Variants in SLC19A1 observed in about 807,000 individuals in gnomAD.
The protein encoded by SLC19A1 is reduced folate transporter.
SLC19A1 carries 37 observed loss-of-function variants against 35.3 expected under a neutral mutation model. The observed-to-expected ratio is 1.05, with a 90% CI of 0.81 to 1.38. SLC19A1 has a LOEUF of 1.38. Ranked by LOEUF, SLC19A1 falls within the 40% of genes most tolerant of loss-of-function variation. The pLI is 0.00. For synonymous variants in SLC19A1, 460 were observed against 398.5 expected (o/e 1.15, Z -1.84); for missense variants, 831 against 826.9 (o/e 1.00, Z -0.06).
chr21:45,521,520 C>T (rs1332365031), intron 5 of SLC19A1, among the ~76,000 whole-genome samples: 1 of 152,162 alleles, frequency 6.6e-6, no homozygotes, highest in East Asian at 1.9e-4. Context: ...CAAGATTACT[C>T]TAAAATGTAT....
chr21:45,515,709 C>T lies in SLC19A1; in HGVS notation c.1725G>A (p.Lys575=). 6.2e-7 allele frequency: 1 copy of T among 1,613,828 alleles called. No homozygotes were observed. Residue 575 remains lysine (K), a synonymous_variant, in exon 6 of 6, where the codon AAG becomes AAA. Transcript: ENST00000311124. ...CGCTTGGAAGACACTGCAAACCCAG[C>T]TTGCTGACACCAGGAGGATGGACAG... ...QLAVHPPGVS[K]LGLQCLPSDG...
At position 45,530,042 on chromosome 21, in the gene SLC19A1, G is replaced by A. The variant is rs2146338558; in HGVS notation, c.1151+728C>T. ...GTGTAAGTATGTGATGCATTCATGT[G>A]AGTGTAGTGGGTGTCCATCTGTGAG... On this transcript the variant is annotated intron_variant, in intron 4 of 5. Coordinates refer to ENST00000311124, the MANE Select transcript of SLC19A1 (RefSeq NM_194255.4). This position sits in a 1 kb window ranked among gnomAD's most constrained non-coding sequence, Gnocchi z 5.3. Among the ~76,000 whole-genome samples the A allele has an allele frequency of 1.3e-5, 2 of 149,942 alleles. No individual in the cohort carries two copies. Among genetic ancestry groups the A allele is most frequent in the African/African-American group, 2.5e-5 (1 of 40,672 alleles).
In SLC19A1 at chr21:45,551,924, T is replaced by C. The variant is rs531611847; in HGVS notation, c.-50+10818A>G. 2.0e-5 allele frequency among the ~76,000 whole-genome samples: 3 copies of C among 152,266 alleles called. No homozygotes were observed. The South Asian group carries it at 6.2e-4, about 32-fold the overall frequency. On this transcript the variant is annotated intron_variant, in intron 1 of 5. Coordinates refer to the SLC19A1 transcript ENST00000650808. ...TGTCCACGCCTTTATGTCCGTACTT[T>C]AGGGCAGTGTGGAGATGGACCCACA...
At chr21:45,503,725 A>G (rs1471290635) in intron 3 of SLC19A1, among the ~76,000 whole-genome samples, 3 of 151,996 alleles carry the variant, frequency 2.0e-5, no homozygotes, top group Admixed American at 1.3e-4. Flanking sequence ...AGCATGGCAC[A>G]TGTATACATA....
At chr21:45,521,277 A>G (rs2146251721) in intron 5 of SLC19A1, among the ~76,000 whole-genome samples, 1 of 152,356 alleles carries the variant, frequency 6.6e-6, no homozygotes. Flanking sequence ...AACAAATTTC[A>G]AAATATGGTT....
At chr21:45,506,547 G>A in intron 3 of SLC19A1, 1 of 197,196 alleles carries the variant, frequency 5.1e-6, no homozygotes, top group Non-Finnish European at 1.1e-5. Flanking sequence ...TGGCCGCTCT[G>A]ATCCAGGTGG....
intron 1 of SLC19A1, among the ~76,000 whole-genome samples, chr21:45,549,512 C>A (rs2078444213): frequency 6.7e-6 from 1 of 150,316 alleles, no homozygotes; most frequent in African/African-American, 2.5e-5. Flanking sequence ...GGCCTGGAAG[C>A]AAGTCGAATG....
intron 1 of SLC19A1, among the ~76,000 whole-genome samples, chr21:45,541,174 A>G (rs918609478): frequency 6.6e-6 from 1 of 152,236 alleles, no homozygotes; most frequent in Non-Finnish European, 1.5e-5. Flanking sequence ...TCCAGCAGAG[A>G]TAACTGTACT....
downstream of SLC19A1, among the ~76,000 whole-genome samples, chr21:45,511,535 C>T (rs773405798): frequency 5.9e-5 from 9 of 152,204 alleles, no homozygotes; most frequent in East Asian, 1.9e-4. Context: ...ATGTAAGCAG[C>T]GCAGCGAGTT....
intron 3 of SLC19A1, chr21:45,504,999 G>T (rs537708812): frequency 1.8e-6 from 2 of 1,123,230 alleles, no homozygotes; most frequent in Non-Finnish European, 1.3e-6. Flanking sequence ...AGGCTATGGC[G>T]TGGGCAGGGA....
chr21:45,514,968 C>A lies in SLC19A1; in HGVS notation c.*690G>T. 6.7e-7 allele frequency: 1 copy of A among 1,487,184 alleles called. No homozygotes were observed. The highest frequency in any genetic ancestry group is 8.9e-7 in the Non-Finnish European group (1 of 1,122,052). The allele number at this position is 1,487,184 out of a possible 1,614,324, so 92.1% of individuals were successfully genotyped here. ...GCACAAGTGTGGGAGCAGCTGAGGA[C>A]CCGCAGGTCAGGATGGACACACTTC... is the stretch of plus-strand genomic sequence containing the variant. On this transcript the variant is annotated 3_prime_UTR_variant, in exon 6 of 6. Transcript: ENST00000311124.
At chr21:45,506,397 C>T in intron 3 of SLC19A1, 1 of 329,652 alleles carries the variant, frequency 3.0e-6, no homozygotes, top group East Asian at 8.0e-5. Context: ...TTATAAACAC[C>T]AAGGTGGGAT....
upstream of SLC19A1, among the ~76,000 whole-genome samples, chr21:45,547,245 G>T (rs1313657548): frequency 6.6e-6 from 1 of 152,148 alleles, no homozygotes; most frequent in Non-Finnish European, 1.5e-5. Flanking sequence ...CTAAACAAAT[G>T]GGGGAGACAG....
intron 1 of SLC19A1, among the ~76,000 whole-genome samples, chr21:45,556,934 C>T (rs538271988): frequency 9.3e-4 from 140 of 151,004 alleles, no homozygotes; most frequent in African/African-American, 3.3e-3. Context: ...GCACCTCAGA[C>T]GCATGTGTCT....
intron 1 of SLC19A1, among the ~76,000 whole-genome samples, chr21:45,562,227 A>G (rs2078622591): frequency 6.6e-6 from 1 of 152,162 alleles, no homozygotes; most frequent in Non-Finnish European, 1.5e-5. Context: ...GAGCTCAGGC[A>G]TGAACCAAAA....
downstream of SLC19A1, chr21:45,507,610 CT>C: frequency 6.2e-7 from 1 of 1,611,824 alleles, no homozygotes; most frequent in South Asian, 1.1e-5. Context: ...AGCCTTTTTT[CT>C]GTTGAGACTG....
At position 45,515,660 on chromosome 21, in the gene SLC19A1, ACTGGTTCACATT is replaced by A; in HGVS notation, c.1762_1773del (p.Asn588_Gln591del). On this transcript the variant is annotated inframe_deletion, in exon 6 of 6. Coordinates refer to ENST00000311124, the MANE Select transcript of SLC19A1 (RefSeq NM_194255.4). The stretch of plus-strand genomic sequence containing the variant: ...GTTACCACAGGGGCGCCCGAGAGTC[ACTGGTTCACATT>A]CTGAACACCGTCGCTTGGAAGACAC... The A allele has an allele frequency of 6.2e-7, 1 of 1,613,452 alleles. No homozygotes were observed. The highest frequency in any genetic ancestry group is 8.5e-7 in the Non-Finnish European group (1 of 1,179,998).
rs1392396659 is a variant in SLC19A1, at chr21:45,534,389, T to TG, written c.190-2242dup. The TG allele has an allele frequency of 9.3e-6, 6 of 643,912 alleles. No homozygotes were observed. The East Asian group carries it at 1.1e-4, about 12-fold the overall frequency. 39.9% of individuals were successfully genotyped at this position (643,912 alleles called of 1,614,324 possible). A position where few individuals can be genotyped will look rare whatever the true frequency, so the allele number is the denominator to read the frequency against. On this transcript the variant is annotated intron_variant, in intron 2 of 5. Coordinates refer to ENST00000311124, the MANE Select transcript of SLC19A1 (RefSeq NM_194255.4). This position sits in a 1 kb window ranked among gnomAD's most constrained non-coding sequence, Gnocchi z 4.2. ...CGACCCCCAGACACAGGAGGCTGCG[T>TG]GGGGGCATGACAGCCCCAGCCCCTG...
Position 45,515,740 on chromosome 21 carries a change from T to G in SLC19A1, c.1694A>C (p.Gln565Pro). Residue 565 changes from glutamine to proline, a missense_variant, in exon 6 of 6, where the codon CAG (glutamine) becomes CCG (proline). Coordinates refer to ENST00000311124, the MANE Select transcript of SLC19A1 (RefSeq NM_194255.4). ...GACACCAGGAGGATGGACAGCCAGCTGGGGACAAGTCTCATCTGCAGCCTC... is the reference window on the plus strand; with the variant it reads ...GACACCAGGAGGATGGACAGCCAGCGGGGGACAAGTCTCATCTGCAGCCTC... ...GPEAADETCPQLAVHPPGVSK... is the reference protein window; with the variant it reads ...GPEAADETCPPLAVHPPGVSK... 1 of 1,613,816 alleles carries G rather than the reference T, an allele frequency of 6.2e-7. No individual in the cohort carries two copies. The highest frequency in any genetic ancestry group is 8.5e-7 in the Non-Finnish European group (1 of 1,180,016).
Sources: allele counts gnomAD v4.1 joint callset (sites outside exome capture counted in the v4.1 genomes callset), GRCh38; gene constraint gnomAD v4.1.1; non-coding constraint Gnocchi (gnomAD v3.1); transcripts MANE v1.5; gene names NCBI Gene and HGNC (gene_info 2026-07-23, HGNC 2026-07-21).